CACNA1G: variants seen among roughly 807,000 people sequenced by gnomAD.
The protein encoded by CACNA1G is voltage-dependent T-type calcium channel subunit alpha-1G.
Under a neutral mutation model 219.4 loss-of-function variants are expected in CACNA1G, and 67 were observed. The ratio of observed to expected loss-of-function variants is 0.31; its 90% CI spans 0.25 to 0.37. CACNA1G has a LOEUF of 0.37. Among genes scored for constraint, CACNA1G ranks in the 10% least tolerant of loss-of-function variants. The pLI, the probability that CACNA1G is intolerant of heterozygous loss-of-function variation, is 1.00. For missense variants in CACNA1G, 2,380 were observed against 3,231.4 expected (o/e 0.74, Z 6.39); for synonymous variants, 1,296 against 1,345.3 (o/e 0.96, Z 0.80).
intron 26 of CACNA1G, among the ~76,000 whole-genome samples, chr17:50,613,861 C>A (rs1386882169): frequency 6.6e-6 from 1 of 150,468 alleles, no homozygotes; most frequent in Non-Finnish European, 1.5e-5. Context: ...GTGTGGATGA[C>A]CCGTAGCCTC....
In CACNA1G at chr17:50,578,661, T is replaced by C; in HGVS notation, c.2301+97T>C. 8.1e-7 allele frequency: 1 copy of C among 1,238,862 alleles called. No individual in the cohort carries two copies. The highest frequency in any genetic ancestry group is 2.5e-5 in the East Asian group (1 of 40,428). 76.7% of individuals were successfully genotyped at this position (1,238,862 alleles called of 1,614,324 possible). On this transcript the variant is annotated intron_variant, in intron 9 of 37. Coordinates refer to ENST00000359106, the MANE Select transcript of CACNA1G (RefSeq NM_018896.5). The surrounding 1 kb of genome is among the most constrained non-coding windows in gnomAD (Gnocchi z 4.5). ...CCGCACCCCTCCTCCTGAGCTCAGCTTCCTCTCCATGCTGCTAGCCCACCT... is the reference window on the plus strand; with the variant it reads ...CCGCACCCCTCCTCCTGAGCTCAGCCTCCTCTCCATGCTGCTAGCCCACCT...
chr17:50,584,494 G>A (rs2145227610), intron 9 of CACNA1G, among the ~76,000 whole-genome samples: 1 of 151,954 alleles, frequency 6.6e-6, no homozygotes, highest in East Asian at 1.9e-4. Context: ...AACTGAATGA[G>A]TCTGGAGTCC....
At chr17:50,598,932 T>G (rs1310157843) in intron 16 of CACNA1G, among the ~76,000 whole-genome samples, 1 of 152,134 alleles carries the variant, frequency 6.6e-6, no homozygotes, top group Non-Finnish European at 1.5e-5. Flanking sequence ...TTCACCACAT[T>G]GGCCAGGCTG....
chr17:50,572,094 C>T (rs1029187932), intron 5 of CACNA1G, 57 bp downstream of exon 5: 3 of 1,542,430 alleles, frequency 1.9e-6, no homozygotes, highest in Admixed American at 1.8e-5. Flanking sequence ...GCTGGGCACC[C>T]CCCCAAGTTC....
In CACNA1G at chr17:50,624,486, C is replaced by T. The variant is rs752544460; in HGVS notation, c.6356C>T (p.Pro2119Leu). The T allele has an allele frequency of 6.2e-7, 1 of 1,600,298 alleles. No individual in the cohort carries two copies. The highest frequency in any genetic ancestry group is 8.5e-7 in the Non-Finnish European group (1 of 1,173,916). Reference sequence around the variant, plus strand: ...TGGGGCACCATCCCCAAACTGCCCCCACCAGGACGCTCCCCTTTGGCTCAG... The same window carrying T: ...TGGGGCACCATCCCCAAACTGCCCCTACCAGGACGCTCCCCTTTGGCTCAG... ...PTWGTIPKLPPPGRSPLAQRP... is the reference protein window; with the variant it reads ...PTWGTIPKLPLPGRSPLAQRP... The change falls in exon 37 of 38, where the codon CCA becomes CTA. Residue 2119 changes from proline (P) to leucine (L), a missense_variant. Transcript: ENST00000359106.
At chr17:50,601,238 G>A (rs568429997) in intron 19 of CACNA1G, 64 bp downstream of exon 19, 71 of 1,581,604 alleles carry the variant, frequency 4.5e-5, no homozygotes, top group Non-Finnish European at 5.8e-5. Context: ...ACCAGTGAGG[G>A]AGGCAAGGAG....
intron 19 of CACNA1G, among the ~76,000 whole-genome samples, chr17:50,601,532 C>T (rs1164875449): frequency 6.6e-6 from 1 of 152,158 alleles, no homozygotes. Context: ...CTCAGGGCCT[C>T]GGGGGCATGC....
At chr17:50,607,023 C>T (rs1195452398) in intron 24 of CACNA1G, 34 bp downstream of exon 24, 2 of 1,493,090 alleles carry the variant, frequency 1.3e-6, no homozygotes, top group South Asian at 2.3e-5. Context: ...CATCTGTGGG[C>T]TCAGGTCACT....
Position 50,576,042 on chromosome 17 carries a change from CT to C in CACNA1G, c.1641del (p.Gly548ValfsTer16). The C allele has an allele frequency of 2.5e-6, 4 of 1,573,928 alleles. No homozygotes were observed. The highest frequency in any genetic ancestry group is 3.4e-6 in the Non-Finnish European group (4 of 1,160,804). Reference sequence around the variant, plus strand: ...ACGCCTGCCCTCTCCGGGGCCCCCCCTGGTGGCGCAGAGTCTGTGCACAGCT... The same window carrying C: ...ACGCCTGCCCTCTCCGGGGCCCCCCCGGTGGCGCAGAGTCTGTGCACAGCT... ...PSTPALSGAP[P>X]GGAESVHSFY... On this transcript the variant is annotated frameshift_variant, in exon 8 of 38. Coordinates refer to ENST00000359106, the MANE Select transcript of CACNA1G (RefSeq NM_018896.5). LOFTEE classifies it high-confidence loss of function.
In CACNA1G at chr17:50,603,248, G is replaced by C. The variant is rs759360398; in HGVS notation, c.4169+49G>C. ...ACACCTCCAAGAGGTGGCCCCCTCC[G>C]CAGGGACATCTCCCACCGCCAGCAC... is the stretch of plus-strand genomic sequence containing the variant. On this transcript the variant is annotated intron_variant, in intron 21 of 37. Coordinates refer to ENST00000359106, the MANE Select transcript of CACNA1G (RefSeq NM_018896.5). The surrounding 1 kb of genome is among the most constrained non-coding windows in gnomAD (Gnocchi z 6.4). 6.6e-7 allele frequency: 1 copy of C among 1,507,200 alleles called. No homozygotes were observed. The highest frequency in any genetic ancestry group is 9.0e-7 in the Non-Finnish European group (1 of 1,111,806). 93.4% of individuals were successfully genotyped at this position (1,507,200 alleles called of 1,614,324 possible).
intron 16 of CACNA1G, 105 bp downstream of exon 16, chr17:50,597,028 T>TCCAGCCCATGGGGCAG: frequency 9.4e-7 from 1 of 1,058,768 alleles, no homozygotes; most frequent in Non-Finnish European, 1.3e-6. Flanking sequence ...CCCTGCCCCA[T>TCCAGCCCATGGGGCAG]GGGCTGGATG....
chr17:50,607,844 C>T lies in CACNA1G; in HGVS notation c.4530C>T (p.Asn1510=). Residue 1510 remains asparagine, a synonymous_variant, in exon 25 of 38, where the codon AAC becomes AAT. Transcript: ENST00000359106. ...GVDQQPIMNH[N]PWMLLYFISF... ...CCCGCCAGCCCATCATGAACCACAA[C>T]CCCTGGATGCTGCTGTACTTCATCT... 1 of 1,613,874 alleles carries T rather than the reference C, an allele frequency of 6.2e-7. No individual in the cohort carries two copies. The highest frequency in any genetic ancestry group is 8.5e-7 in the Non-Finnish European group (1 of 1,179,886).
rs575671938 is a variant in CACNA1G at position 50,596,833 on chromosome 17, G to T, written c.3168G>T (p.Thr1056=). Residue 1056 remains threonine (T), a synonymous_variant, in exon 16 of 38, where the codon ACG becomes ACT. Coordinates refer to ENST00000359106, the MANE Select transcript of CACNA1G (RefSeq NM_018896.5). This position sits in a 1 kb window ranked among gnomAD's most constrained non-coding sequence, Gnocchi z 4.8. ...TPMSLPKSTS[T]GLGEALGPAS... is the part of the protein sequence containing the mutation. ...TGTCGCTGCCCAAGAGCACCAGCAC[G>T]GGCCTGGGCGAGGCGCTGGGCCCTG... 2 of 1,607,720 alleles carry T rather than the reference G, an allele frequency of 1.2e-6. No homozygotes were observed. Among genetic ancestry groups the T allele is most frequent in the South Asian group, 2.2e-5 (2 of 90,136 alleles).
intron 36 of CACNA1G, 24 bp from the exon 37 acceptor site, chr17:50,624,336 T>TGCCC: frequency 1.4e-6 from 1 of 717,774 alleles, no homozygotes; most frequent in South Asian, 2.2e-5. Context: ...CCCCCACCCC[T>TGCCC]CCCCCGCTTC....
chr17:50,624,926 C>T (rs1369737192), intron 37 of CACNA1G, among the ~76,000 whole-genome samples: 1 of 150,490 alleles, frequency 6.6e-6, no homozygotes, highest in Non-Finnish European at 1.5e-5. Flanking sequence ...TTTGGCCAAG[C>T]CTAGGGCCCA....
At chr17:50,584,106 G>A (rs960297391) in intron 9 of CACNA1G, among the ~76,000 whole-genome samples, 9 of 152,188 alleles carry the variant, frequency 5.9e-5, no homozygotes, top group Non-Finnish European at 8.8e-5. Flanking sequence ...GTTTGGGAGA[G>A]GAGGCGAGAG....
chr17:50,591,418 G>T lies in CACNA1G; in HGVS notation c.2454-17G>T, dbSNP rs771521881. ...GGTGAAGGTGCAGGGGGCTCAGGCT[G>T]CCTGCCCCCTTTGCAGCGTGTGGGA... On this transcript the variant is annotated splice_polypyrimidine_tract_variant and intron_variant, in intron 10 of 37. Transcript: ENST00000359106. The T allele has an allele frequency of 2.6e-6, 4 of 1,529,594 alleles. No individual in the cohort carries two copies. Among genetic ancestry groups the T allele is most frequent in the Admixed American group, 1.9e-5 (1 of 51,762 alleles). 94.8% of individuals were successfully genotyped at this position (1,529,594 alleles called of 1,614,324 possible). A position where few individuals can be genotyped will look rare whatever the true frequency, so the allele number is the denominator to read the frequency against.
intron 34 of CACNA1G, 143 bp downstream of exon 34, chr17:50,619,969 A>G (rs2051416805): frequency 1.2e-6 from 1 of 815,972 alleles, no homozygotes; most frequent in Non-Finnish European, 1.8e-6. Flanking sequence ...GTTGAGTGCA[A>G]GAGGCAGTCA....
chr17:50,593,621 G>C (rs1322798297), intron 13 of CACNA1G, among the ~76,000 whole-genome samples: 1 of 152,268 alleles, frequency 6.6e-6, no homozygotes, highest in Non-Finnish European at 1.5e-5. Flanking sequence ...TGGCCCTGCT[G>C]GGGGCCTGGG....
Sources: allele counts gnomAD v4.1 joint callset (sites outside exome capture counted in the v4.1 genomes callset), GRCh38; gene constraint gnomAD v4.1.1; non-coding constraint Gnocchi (gnomAD v3.1); transcripts MANE v1.5; gene names NCBI Gene and HGNC (gene_info 2026-07-23, HGNC 2026-07-21).